Variants in EYS observed in about 807,000 individuals in gnomAD.
EYS encodes the protein EGF-like photoreceptor maintenance factor, also known as protein eyes shut homolog.
A neutral mutation model predicts 282.1 loss-of-function variants in EYS; 250 were observed. The observed-to-expected ratio is 0.89, with a 90% CI of 0.80 to 0.98. EYS has a LOEUF of 0.98. Ranked by LOEUF, EYS falls within the 50% of genes least tolerant of loss-of-function variation. EYS has a pLI of 0.00. For synonymous variants in EYS, 1,355 were observed against 1,282.9 expected (o/e 1.06, Z -1.20); for missense variants, 4,016 against 3,709.0 (o/e 1.08, Z -2.15).
chr6:65,509,494 G>T (rs181949698), intron 2 of EYS, among the ~76,000 whole-genome samples: 3 of 152,062 alleles, frequency 2.0e-5, no homozygotes, highest in African/African-American at 7.2e-5. Flanking sequence ...ATCCTTGTTT[G>T]CCACCTTCAT....
intron 12 of EYS, among the ~76,000 whole-genome samples, chr6:65,233,816 T>C (rs1012363984): frequency 1.3e-5 from 2 of 152,206 alleles, no homozygotes; most frequent in Non-Finnish European, 1.5e-5. Flanking sequence ...GTGTTTAAGC[T>C]CCTTGTGTCT....
intron 12 of EYS, among the ~76,000 whole-genome samples, chr6:65,276,729 T>C (rs1304152026): frequency 7.1e-6 from 1 of 141,726 alleles, no homozygotes; most frequent in East Asian, 2.0e-4. Context: ...TCACCCAAGA[T>C]CAGCTGAGGT....
chr6:63,939,417 A>G (rs1199702846), intron 35 of EYS, among the ~76,000 whole-genome samples: 2 of 152,192 alleles, frequency 1.3e-5, no homozygotes, highest in Admixed American at 6.5e-5. Flanking sequence ...CGGGGTTGGG[A>G]AAGTGTTTCA....
chr6:65,519,528 CT>C (rs1484158426), intron 2 of EYS, among the ~76,000 whole-genome samples: 1 of 147,028 alleles, frequency 6.8e-6, no homozygotes, highest in Non-Finnish European at 1.5e-5. Flanking sequence ...GTTAATATAA[CT>C]TAATAATAGA....
chr6:64,780,934 G>A lies in EYS; in HGVS notation c.3443+32444C>T, dbSNP rs553356546. The stretch of plus-strand genomic sequence containing the variant: ...GCTTCTCAAATAACAGTCTAATGTG[G>A]GAAATTAAGAAACAAAAATAAGGGG... On this transcript the variant is annotated intron_variant, in intron 22 of 42. Coordinates refer to ENST00000503581, the MANE Select transcript of EYS (RefSeq NM_001142800.2). Among the ~76,000 whole-genome samples, 3 of 152,192 alleles carry A rather than the reference G, an allele frequency of 2.0e-5. No homozygotes were observed. The South Asian group carries it at 6.2e-4, about 32-fold the overall frequency.
chr6:63,760,664 CTATCT>C (rs1769611572), intron 41 of EYS, among the ~76,000 whole-genome samples: 1 of 142,774 alleles, frequency 7.0e-6, no homozygotes, highest in African/African-American at 2.7e-5. Context: ...ATCTATCTAT[CTATCT>C]ATCTATCTAT....
chr6:65,385,621 A>G (rs1221229513), intron 7 of EYS, among the ~76,000 whole-genome samples: 1 of 151,970 alleles, frequency 6.6e-6, no homozygotes, highest in Non-Finnish European at 1.5e-5. Context: ...AAATGAGGAA[A>G]CATACCCATG....
At position 64,706,135 on chromosome 6, in the gene EYS, G is replaced by A. The variant is rs146764410; in HGVS notation, c.3444-79890C>T. ...CACAAAAATAAGCACATAGATCAAT[G>A]GAACAGAATAGAGAACCCAGAAATA... On this transcript the variant is annotated intron_variant, in intron 22 of 42. Transcript: ENST00000503581. Among the ~76,000 whole-genome samples the A allele has an allele frequency of 5.3e-5, 8 of 151,842 alleles. No homozygotes were observed. The East Asian group carries it at 1.6e-3, about 30-fold the overall frequency.
At chr6:64,035,096 G>T (rs1770048275) in intron 33 of EYS, among the ~76,000 whole-genome samples, 1 of 152,172 alleles carries the variant, frequency 6.6e-6, no homozygotes, top group Non-Finnish European at 1.5e-5. Context: ...TGAACACGTG[G>T]CAGTACACAT....
chr6:64,534,176 A>G (rs1198306704), intron 26 of EYS, among the ~76,000 whole-genome samples: 2 of 151,914 alleles, frequency 1.3e-5, no homozygotes, highest in African/African-American at 4.8e-5. Flanking sequence ...TCTCTAAATT[A>G]TAAAAATAAT....
rs933425411 is a variant in EYS at position 64,399,380 on chromosome 6, C to G, written c.5928-10540G>C. ...ATAACTATATATCTGGATTTATTTTCTGGTTTTCACCATTTTCTCTTATAT... is the reference window on the plus strand; with the variant it reads ...ATAACTATATATCTGGATTTATTTTGTGGTTTTCACCATTTTCTCTTATAT... On this transcript the variant is annotated intron_variant, in intron 28 of 42. Coordinates refer to ENST00000503581, the MANE Select transcript of EYS (RefSeq NM_001142800.2). 2.6e-5 allele frequency among the ~76,000 whole-genome samples: 4 copies of G among 151,846 alleles called. No individual in the cohort carries two copies. The South Asian group carries it at 8.3e-4, about 31-fold the overall frequency.
intron 15 of EYS, among the ~76,000 whole-genome samples, chr6:64,931,413 C>G (rs913642706): frequency 1.3e-5 from 2 of 152,070 alleles, no homozygotes; most frequent in South Asian, 4.1e-4. Context: ...AAGTTTTGAT[C>G]AGTGGAAATT....
chr6:64,122,240 A>G (rs1469976719), intron 31 of EYS, among the ~76,000 whole-genome samples: 2 of 152,194 alleles, frequency 1.3e-5, no homozygotes, highest in African/African-American at 4.8e-5. Flanking sequence ...CTGAGATTGG[A>G]AAATACATTT....
At chr6:65,209,432 A>T (rs1766118074) in intron 12 of EYS, among the ~76,000 whole-genome samples, 1 of 151,724 alleles carries the variant, frequency 6.6e-6, no homozygotes, top group Non-Finnish European at 1.5e-5. Context: ...TTTATCCCCC[A>T]CTTAATGATC....
rs567580908 is a variant in EYS, at chr6:65,223,129, C to A, written c.2023+72734G>T. ...CTCTGGACCTCTAATCAAAACCTCA[C>A]AATAAATAGGGGAATGTATGATGAT... On this transcript the variant is annotated intron_variant, in intron 12 of 42. Coordinates refer to ENST00000503581, the MANE Select transcript of EYS (RefSeq NM_001142800.2). 7.2e-5 allele frequency among the ~76,000 whole-genome samples: 11 copies of A among 152,212 alleles called. No individual in the cohort carries two copies. In the South Asian group the frequency reaches 1.7e-3, roughly 23 times the overall value.
At chr6:64,369,998 C>A (rs2150413089) in intron 29 of EYS, among the ~76,000 whole-genome samples, 1 of 152,014 alleles carries the variant, frequency 6.6e-6, no homozygotes, top group Non-Finnish European at 1.5e-5. Flanking sequence ...GACTTCCTTT[C>A]TTCCTATTTG....
intron 35 of EYS, among the ~76,000 whole-genome samples, chr6:63,928,220 G>T (rs1479292035): frequency 1.3e-5 from 2 of 152,144 alleles, no homozygotes; most frequent in African/African-American, 2.4e-5. Flanking sequence ...GGTTTATGCT[G>T]ACTTATTTTT....
At chr6:64,718,761 A>C (rs1242876613) in intron 22 of EYS, among the ~76,000 whole-genome samples, 3 of 152,246 alleles carry the variant, frequency 2.0e-5, no homozygotes, top group African/African-American at 7.2e-5. Context: ...CAAAATTAAA[A>C]TACGTGTGGC....
At chr6:65,321,198 G>T (rs544236289) in intron 11 of EYS, among the ~76,000 whole-genome samples, 1 of 148,116 alleles carries the variant, frequency 6.8e-6, no homozygotes, top group Non-Finnish European at 1.5e-5. Flanking sequence ...GGATTAACAT[G>T]ATTTAAAATG....
Sources: gnomAD v4.1 joint callset for allele counts (sites outside exome capture counted in the v4.1 genomes callset) on GRCh38, gnomAD v4.1.1 for gene constraint, MANE v1.5 for transcripts, NCBI Gene and HGNC (gene_info 2026-07-23, HGNC 2026-07-21) for gene names.